Variants in CPQ observed in about 807,000 individuals in gnomAD.
The protein encoded by CPQ is Ser-Met dipeptidase.
Under a neutral mutation model 45.7 loss-of-function variants are expected in CPQ, and 37 were observed. The observed-to-expected ratio is 0.81, with a 90% confidence interval of 0.62 to 1.07. The LOEUF (loss-of-function observed/expected upper bound fraction) is 1.07. Among genes scored for constraint, CPQ ranks in the 50% least tolerant of loss-of-function variants. The pLI, the probability that CPQ is intolerant of heterozygous loss-of-function variation, is 0.00. For synonymous variants in CPQ, 186 were observed against 205.8 expected, an observed-to-expected ratio of 0.90 and a Z score of 0.82; for missense variants, 537 against 572.9, an observed-to-expected ratio of 0.94 and a Z score of 0.64.
intron 3 of CPQ, among the ~76,000 whole-genome samples, chr8:96,876,310 ATTAG>A (rs554913454): frequency 1.5e-4 from 23 of 152,196 alleles, no homozygotes; most frequent in Admixed American, 3.9e-4. Context: ...AAACTAAAGA[ATTAG>A]TTAGAATAAG....
At chr8:96,674,799 C>T (rs546708410) in intron 1 of CPQ, among the ~76,000 whole-genome samples, 9 of 152,058 alleles carry the variant, frequency 5.9e-5, no homozygotes, top group African/African-American at 2.2e-4. Context: ...TCTTTGGACA[C>T]GAAGGTAAAG....
chr8:96,845,395 T>G (rs1811671226), intron 3 of CPQ, among the ~76,000 whole-genome samples: 1 of 152,212 alleles, frequency 6.6e-6, no homozygotes. Flanking sequence ...TAAGAGATAT[T>G]GATTGAATAA....
chr8:97,083,337 C>T (rs1020684536), intron 7 of CPQ, among the ~76,000 whole-genome samples: 2 of 152,056 alleles, frequency 1.3e-5, no homozygotes, highest in African/African-American at 4.8e-5. Flanking sequence ...CTCGACTATC[C>T]TAAGAAACAT....
In CPQ at chr8:96,851,139, A is replaced by G. The variant is rs190606512; in HGVS notation, c.641+15959A>G. 4.5e-4 allele frequency among the ~76,000 whole-genome samples: 69 copies of G among 152,326 alleles called. No homozygotes were observed. The East Asian group carries it at 0.012, about 26-fold the overall frequency. Reference sequence around the variant, plus strand: ...AGAGCTTTGGGAGGCAGGGAGCTTTAGACACATTTTACACCTGAGTAACTT... The same window carrying G: ...AGAGCTTTGGGAGGCAGGGAGCTTTGGACACATTTTACACCTGAGTAACTT... On this transcript the variant is annotated intron_variant, in intron 3 of 7. Coordinates refer to ENST00000220763, the MANE Select transcript of CPQ (RefSeq NM_016134.4).
chr8:96,714,177 T>A (rs1809647645), intron 1 of CPQ, among the ~76,000 whole-genome samples: 2 of 152,210 alleles, frequency 1.3e-5, no homozygotes, highest in African/African-American at 4.8e-5. Flanking sequence ...TTTGGATACC[T>A]AAATCTCTAG....
intron 2 of CPQ, among the ~76,000 whole-genome samples, chr8:96,787,062 G>A (rs545769799): frequency 2.0e-5 from 3 of 151,112 alleles, no homozygotes; most frequent in South Asian, 2.1e-4. Context: ...TTCTTTTGTT[G>A]CCTGTGCTTT....
At chr8:97,067,815 A>G (rs551977433) in intron 7 of CPQ, among the ~76,000 whole-genome samples, 1 of 152,318 alleles carries the variant, frequency 6.6e-6, no homozygotes, top group African/African-American at 2.4e-5. Context: ...ATCCAATACT[A>G]TCTACATATG....
At chr8:96,929,102 C>T (rs1812935369) in intron 4 of CPQ, among the ~76,000 whole-genome samples, 1 of 152,128 alleles carries the variant, frequency 6.6e-6, no homozygotes, top group Non-Finnish European at 1.5e-5. Context: ...CTTGCTCGGG[C>T]TTTTGAATGA....
chr8:96,891,671 T>C lies in CPQ; in HGVS notation c.849+11666T>C, dbSNP rs1451901785. Among the ~76,000 whole-genome samples, 4 of 152,348 alleles carry C rather than the reference T, an allele frequency of 2.6e-5. No individual in the cohort carries two copies. The South Asian group carries it at 6.2e-4, about 24-fold the overall frequency. On this transcript the variant is annotated intron_variant, in intron 4 of 7. Transcript: ENST00000220763. ...TTGGATACAAATATTTTCACAGTTT[T>C]TGACCACTCAGAGGTCCATCCTTAA...
At chr8:96,945,200 T>C (rs1258913519) in intron 4 of CPQ, among the ~76,000 whole-genome samples, 3 of 152,164 alleles carry the variant, frequency 2.0e-5, no homozygotes, top group South Asian at 2.1e-4. Flanking sequence ...CTGGAGATCA[T>C]GGTTGCTGTT....
chr8:96,792,907 C>T (rs541913298), intron 2 of CPQ, among the ~76,000 whole-genome samples: 4 of 152,094 alleles, frequency 2.6e-5, no homozygotes, highest in Middle Eastern at 3.4e-3. Context: ...ACAATCATGG[C>T]GGAAGACACT....
At chr8:96,990,843 T>G (rs1809081256) in intron 5 of CPQ, among the ~76,000 whole-genome samples, 1 of 152,146 alleles carries the variant, frequency 6.6e-6, no homozygotes, top group Non-Finnish European at 1.5e-5. Flanking sequence ...ACCTCAAATA[T>G]CCTATAAGGT....
chr8:96,758,009 C>A (rs1200404972), intron 1 of CPQ, among the ~76,000 whole-genome samples: 1 of 152,310 alleles, frequency 6.6e-6, no homozygotes, highest in African/African-American at 2.4e-5. Context: ...GGGCTTTCAT[C>A]TGTCATGGAT....
Position 97,143,280 on chromosome 8 carries a change from A to G in CPQ, c.*97A>G, listed in dbSNP as rs1314921762. 9.8e-6 allele frequency: 11 copies of G among 1,125,670 alleles called. No homozygotes were observed. Among genetic ancestry groups the G allele is most frequent in the Non-Finnish European group, 1.4e-5 (11 of 777,978 alleles). The allele number at this position is 1,125,670 out of a possible 1,614,324, so 69.7% of individuals were successfully genotyped here. A position where few individuals can be genotyped will look rare whatever the true frequency, so the allele number is the denominator to read the frequency against. ...TTCACATAACAATTTCATCCAATTCATCTTCAAAGCACAACTCTATTTCAT... is the reference window on the plus strand; with the variant it reads ...TTCACATAACAATTTCATCCAATTCGTCTTCAAAGCACAACTCTATTTCAT... On this transcript the variant is annotated 3_prime_UTR_variant, in exon 8 of 8. Coordinates refer to ENST00000220763, the MANE Select transcript of CPQ (RefSeq NM_016134.4).
intron 7 of CPQ, among the ~76,000 whole-genome samples, chr8:97,083,200 T>A (rs137975873): frequency 2.0e-5 from 3 of 152,330 alleles, no homozygotes; most frequent in African/African-American, 7.2e-5. Context: ...CTCTGTACAG[T>A]TGACATTAAA....
At chr8:96,990,859 T>A (rs530115800) in intron 5 of CPQ, among the ~76,000 whole-genome samples, 25 of 152,300 alleles carry the variant, frequency 1.6e-4, no homozygotes, top group African/African-American at 5.5e-4. Flanking sequence ...AAGGTCCTAA[T>A]AAGGGCCAGT....
At chr8:96,715,804 A>G (rs1809666259) in intron 1 of CPQ, among the ~76,000 whole-genome samples, 2 of 152,158 alleles carry the variant, frequency 1.3e-5, no homozygotes, top group Non-Finnish European at 2.9e-5. Context: ...CAGGAATAGG[A>G]GTCCCTGAGG....
At position 96,843,649 on chromosome 8, in the gene CPQ, T is replaced by C. The variant is rs139383062; in HGVS notation, c.641+8469T>C. Among the ~76,000 whole-genome samples the C allele has an allele frequency of 3.1e-3, 468 of 152,326 alleles. 4 individuals are homozygous for C. The highest frequency in any genetic ancestry group is 0.021 in the South Asian group (103 of 4,832). Reference sequence around the variant, plus strand: ...TGGGTATCGCCAGGGCTGTGCTCTATACCTGGCACACAGTAGTGCTGGAAT... The same window carrying C: ...TGGGTATCGCCAGGGCTGTGCTCTACACCTGGCACACAGTAGTGCTGGAAT... On this transcript the variant is annotated intron_variant, in intron 3 of 7. Coordinates refer to ENST00000220763, the MANE Select transcript of CPQ (RefSeq NM_016134.4).
chr8:96,785,613 G>A (rs550042009), intron 2 of CPQ, among the ~76,000 whole-genome samples: 2 of 152,040 alleles, frequency 1.3e-5, no homozygotes, highest in Non-Finnish European at 2.9e-5. Context: ...TTAAACATTA[G>A]CATGGTTCTA....
Sources: allele counts gnomAD v4.1 joint callset (sites outside exome capture counted in the v4.1 genomes callset), GRCh38; gene constraint gnomAD v4.1.1; transcripts MANE v1.5; gene names NCBI Gene and HGNC (gene_info 2026-07-23, HGNC 2026-07-21).